Variants in SNCAIP observed in about 807,000 individuals in gnomAD.
SNCAIP encodes the protein synphilin-1.
A neutral mutation model predicts 86.7 loss-of-function variants in SNCAIP; 43 were observed. The ratio of observed to expected loss-of-function variants is 0.50; its 90% CI spans 0.39 to 0.64. The LOEUF is 0.64. Among genes scored for constraint, SNCAIP ranks in the 30% least tolerant of loss-of-function variants. The pLI is 0.00. For missense variants in SNCAIP, 981 were observed against 1,103.1 expected (o/e 0.89, Z 1.57); for synonymous variants, 417 against 427.2 (o/e 0.98, Z 0.29).
intron 10 of SNCAIP, among the ~76,000 whole-genome samples, chr5:122,455,384 A>G (rs1001996392): frequency 2.6e-5 from 4 of 152,240 alleles, no homozygotes; most frequent in African/African-American, 9.6e-5. Context: ...AATTTTGCCT[A>G]TGGGACCCCA....
chr5:122,396,582 A>G (rs1770667115), intron 2 of SNCAIP, among the ~76,000 whole-genome samples: 1 of 152,226 alleles, frequency 6.6e-6, no homozygotes, highest in Admixed American at 6.5e-5. Flanking sequence ...AATCTAGTCA[A>G]CAAGCATTTA....
intron 1 of SNCAIP, among the ~76,000 whole-genome samples, chr5:122,345,315 A>G (rs1353694945): frequency 6.6e-6 from 1 of 152,226 alleles, no homozygotes; most frequent in African/African-American, 2.4e-5. Context: ...TTTTAAACAT[A>G]CAGTCAAAAT....
At chr5:122,369,494 TA>T (rs1170919377) in intron 1 of SNCAIP, among the ~76,000 whole-genome samples, 1 of 152,214 alleles carries the variant, frequency 6.6e-6, no homozygotes, top group Non-Finnish European at 1.5e-5. Context: ...AAATTCTAAA[TA>T]ACTTTTAGCA....
At chr5:122,416,078 T>C (rs750502452) in intron 3 of SNCAIP, among the ~76,000 whole-genome samples, 9 of 152,226 alleles carry the variant, frequency 5.9e-5, no homozygotes, top group Non-Finnish European at 1.2e-4. Context: ...CGTGATGGAA[T>C]ATGCCTCTTT....
chr5:122,382,485 T>G (rs1767061464), intron 1 of SNCAIP, among the ~76,000 whole-genome samples: 1 of 152,222 alleles, frequency 6.6e-6, no homozygotes, highest in Non-Finnish European at 1.5e-5. Context: ...GCCTTTGGTT[T>G]GAATGTCCTC....
chr5:122,336,294 C>T (rs1756448614), intron 1 of SNCAIP, among the ~76,000 whole-genome samples: 2 of 152,166 alleles, frequency 1.3e-5, no homozygotes, highest in African/African-American at 2.4e-5. Context: ...GTTTGTGGCT[C>T]TCTTGTATGG....
intron 1 of SNCAIP, among the ~76,000 whole-genome samples, chr5:122,383,250 G>T (rs541069737): frequency 1.9e-3 from 294 of 152,338 alleles, no homozygotes; most frequent in African/African-American, 6.8e-3. Flanking sequence ...GTGATGCGCC[G>T]TTTTTTAAGC....
At chr5:122,397,026 C>T (rs900891585) in intron 2 of SNCAIP, among the ~76,000 whole-genome samples, 2 of 152,114 alleles carry the variant, frequency 1.3e-5, no homozygotes, top group East Asian at 1.9e-4. Flanking sequence ...GTGCATCAGA[C>T]ACTCTTCCCA....
chr5:122,336,238 G>A (rs567652568), intron 1 of SNCAIP, among the ~76,000 whole-genome samples: 1 of 152,158 alleles, frequency 6.6e-6, no homozygotes, highest in Non-Finnish European at 1.5e-5. Flanking sequence ...GACACTTTCA[G>A]TCTTATGTAC....
rs945089883 is a variant in SNCAIP at position 122,343,169 on chromosome 5, A to G, written c.-47+30885A>G. ...TCTGAATGCTGAAACCAACTTAGGA[A>G]TTTAGTTCTCAAGCTAAATCAACTA... On this transcript the variant is annotated intron_variant, in intron 1 of 10. Coordinates refer to ENST00000261368, the MANE Select transcript of SNCAIP (RefSeq NM_005460.4). Among the ~76,000 whole-genome samples, 6 of 152,304 alleles carry G rather than the reference A, an allele frequency of 3.9e-5. No individual in the cohort carries two copies. The East Asian group carries it at 1.2e-3, about 29-fold the overall frequency.
chr5:122,440,625 A>G lies in SNCAIP; in HGVS notation c.1297-4A>G, dbSNP rs775114555. On this transcript the variant is annotated splice_polypyrimidine_tract_variant and splice_region_variant and intron_variant, in intron 6 of 10. Transcript: ENST00000261368. Reference sequence around the variant, plus strand: ...ATGAATTCCAACTGTCTTTGTGTTTATAGGAAAAGATTCTTCTGTGGCTTC... The same window carrying G: ...ATGAATTCCAACTGTCTTTGTGTTTGTAGGAAAAGATTCTTCTGTGGCTTC... 2.5e-5 allele frequency: 40 copies of G among 1,613,400 alleles called. No individual in the cohort carries two copies. In the South Asian group the frequency reaches 4.3e-4, roughly 17 times the overall value.
chr5:122,440,578 T>C, intron 6 of SNCAIP, 51 bp from the exon 7 acceptor site: 1 of 1,579,050 alleles, frequency 6.3e-7, no homozygotes, highest in Non-Finnish European at 8.7e-7. Flanking sequence ...TCTTTTTATC[T>C]AACTTCTCTG....
chr5:122,393,461 G>C (rs1769873682), intron 2 of SNCAIP, among the ~76,000 whole-genome samples: 1 of 152,120 alleles, frequency 6.6e-6, no homozygotes, highest in African/African-American at 2.4e-5. Context: ...TGTCTCCAGA[G>C]TATTTACTTT....
chr5:122,350,755 C>T (rs1181420171), intron 1 of SNCAIP, among the ~76,000 whole-genome samples: 8 of 152,144 alleles, frequency 5.3e-5, no homozygotes, highest in Non-Finnish European at 1.0e-4. Flanking sequence ...GGCTGCTTTG[C>T]AGCAAGCCTG....
chr5:122,352,758 C>T (rs1760140317), intron 1 of SNCAIP, among the ~76,000 whole-genome samples: 1 of 152,168 alleles, frequency 6.6e-6, no homozygotes, highest in South Asian at 2.1e-4. Context: ...CACCTGTGAT[C>T]CAGCAATTTA....
rs555518319 is a variant in SNCAIP, at chr5:122,410,478, T to C, written c.130+6613T>C. Among the ~76,000 whole-genome samples the C allele has an allele frequency of 2.0e-3, 309 of 152,282 alleles. 3 individuals carry two copies. Among genetic ancestry groups the C allele is most frequent in the African/African-American group, 7.0e-3 (291 of 41,562 alleles). ...AGATGTAGGTCAATGTTCATAAAGA[T>C]GGGGGCAGGAGGTGAGAGAAAAGTT... On this transcript the variant is annotated intron_variant, in intron 3 of 10. Transcript: ENST00000261368.
chr5:122,367,198 A>G (rs561018701), intron 1 of SNCAIP, among the ~76,000 whole-genome samples: 18 of 152,264 alleles, frequency 1.2e-4, no homozygotes, highest in African/African-American at 4.3e-4. Context: ...TGGGTGAGTA[A>G]GAAGAGAAGT....
intron 9 of SNCAIP, 117 bp downstream of exon 9, chr5:122,450,054 A>T: frequency 1.3e-6 from 1 of 756,404 alleles, no homozygotes. Flanking sequence ...TTCTTCTTAT[A>T]AAGAGGAATA....
At chr5:122,333,694 A>G (rs1461190730) in intron 1 of SNCAIP, among the ~76,000 whole-genome samples, 1 of 152,248 alleles carries the variant, frequency 6.6e-6, no homozygotes, top group East Asian at 1.9e-4. Flanking sequence ...TGCTTAAGCA[A>G]TCATGGTATC....
Sources: allele counts gnomAD v4.1 joint callset (sites outside exome capture counted in the v4.1 genomes callset), GRCh38; gene constraint gnomAD v4.1.1; transcripts MANE v1.5; gene names NCBI Gene and HGNC (gene_info 2026-07-23, HGNC 2026-07-21).